The following TBXAS1 variants were observed in gnomAD, a reference collection of about 807,000 sequenced individuals.
TBXAS1 encodes the protein thromboxane-A synthase.
In TBXAS1, 48 loss-of-function variants were observed where a neutral mutation model predicts 60.7. The ratio of observed to expected loss-of-function variants is 0.79; its 90% CI spans 0.63 to 1.01. TBXAS1 has a LOEUF of 1.01. Ranked by LOEUF, TBXAS1 falls within the 50% of genes least tolerant of loss-of-function variation. The pLI is 0.00. For missense variants in TBXAS1, 685 were observed against 686.3 expected (o/e 1.00, Z 0.02); for synonymous variants, 287 against 269.7 (o/e 1.06, Z -0.63).
upstream of TBXAS1, among the ~76,000 whole-genome samples, chr7:139,828,355 T>C (rs967141915): frequency 1.3e-5 from 2 of 152,230 alleles, no homozygotes; most frequent in Non-Finnish European, 2.9e-5. Context: ...CTTTAAGCTA[T>C]TTCATTGAAT....
chr7:139,911,427 A>G, intron 4 of TBXAS1, 106 bp downstream of exon 4: 1 of 1,039,526 alleles, frequency 9.6e-7, no homozygotes. Flanking sequence ...GATCAGGTTT[A>G]TGTCAGTTCC....
At chr7:139,827,792 A>T (rs1798484017), upstream of TBXAS1, among the ~76,000 whole-genome samples, 1 of 152,142 alleles carries the variant, frequency 6.6e-6, no homozygotes, top group African/African-American at 2.4e-5. Context: ...TTTGTTGAGG[A>T]GCCGGAAGAC....
intron 4 of TBXAS1, among the ~76,000 whole-genome samples, chr7:139,791,883 A>G (rs1387194095): frequency 6.6e-6 from 1 of 150,754 alleles, no homozygotes; most frequent in African/African-American, 2.4e-5. Flanking sequence ...ATAATTTTAA[A>G]GTATGGGTGG....
intron 4 of TBXAS1, among the ~76,000 whole-genome samples, chr7:139,803,462 A>T (rs1020744040): frequency 6.6e-6 from 1 of 152,212 alleles, no homozygotes; most frequent in Non-Finnish European, 1.5e-5. Context: ...CAGCCTGATG[A>T]TGCAATAGAA....
chr7:139,786,988 C>T (rs766708250), intron 3 of TBXAS1, among the ~76,000 whole-genome samples: 22 of 152,184 alleles, frequency 1.4e-4, no homozygotes, highest in Non-Finnish European at 2.6e-4. Context: ...GGAGAGCTGT[C>T]TTTATGAAGA....
chr7:140,014,305 G>C (rs907050263), intron 10 of TBXAS1, among the ~76,000 whole-genome samples: 6 of 152,204 alleles, frequency 3.9e-5, no homozygotes, highest in African/African-American at 1.4e-4. Flanking sequence ...AGAAGGAGGA[G>C]AAGATTCTGA....
upstream of TBXAS1, chr7:139,829,085 A>G (rs1298107670): frequency 2.2e-6 from 1 of 457,356 alleles, no homozygotes; most frequent in Non-Finnish European, 4.1e-6. Context: ...TTTCTCAGCA[A>G]ACATGGGGAA....
intron 4 of TBXAS1, among the ~76,000 whole-genome samples, chr7:139,790,509 T>C (rs1055690954): frequency 6.6e-6 from 1 of 152,178 alleles, no homozygotes. Context: ...AAAACCTATA[T>C]CGTTTGAGTG....
At chr7:139,924,101 C>T (rs1312678202) in intron 4 of TBXAS1, among the ~76,000 whole-genome samples, 1 of 152,210 alleles carries the variant, frequency 6.6e-6, no homozygotes, top group Non-Finnish European at 1.5e-5. Flanking sequence ...CTGCAATAAA[C>T]ATGGGTGTGC....
intron 4 of TBXAS1, among the ~76,000 whole-genome samples, chr7:139,921,740 A>G (rs972234390): frequency 1.3e-5 from 2 of 152,238 alleles, no homozygotes; most frequent in Admixed American, 1.3e-4. Context: ...ATTCCAATGT[A>G]TAGAAACACC....
chr7:139,962,864 A>G lies in TBXAS1; in HGVS notation c.1134+631A>G, dbSNP rs182100968. ...TTTTCTTCTAGATGCTTGTGTGTGT[A>G]TAACTTTGACTCATGAGTTGTCAAA... On this transcript the variant is annotated intron_variant, in intron 9 of 12. Coordinates refer to ENST00000448866, the MANE Select transcript of TBXAS1 (RefSeq NM_001061.7). The G allele has an allele frequency of 4.5e-3, 688 of 154,520 alleles. 8 individuals are homozygous for G. Among genetic ancestry groups the G allele is most frequent in the Non-Finnish European group, 5.0e-3 (350 of 69,552 alleles). The allele number at this position is 154,520 out of a possible 1,614,324, so 9.6% of individuals were successfully genotyped here. A position where few individuals can be genotyped will look rare whatever the true frequency, so the allele number is the denominator to read the frequency against.
intron 4 of TBXAS1, among the ~76,000 whole-genome samples, chr7:139,929,362 A>T (rs558014056): frequency 6.6e-6 from 1 of 152,272 alleles, no homozygotes; most frequent in Admixed American, 6.5e-5. Flanking sequence ...CACAGGCTAA[A>T]CTAATTCCGA....
At chr7:139,883,207 C>A (rs1363800911) in intron 3 of TBXAS1, among the ~76,000 whole-genome samples, 1 of 151,972 alleles carries the variant, frequency 6.6e-6, no homozygotes, top group African/African-American at 2.4e-5. Context: ...TTGAGTCCCA[C>A]TTTTCTTGAA....
intron 5 of TBXAS1, among the ~76,000 whole-genome samples, chr7:139,937,365 G>C (rs1366033174): frequency 6.6e-6 from 1 of 152,206 alleles, no homozygotes; most frequent in Non-Finnish European, 1.5e-5. Flanking sequence ...TTAAGCTCAA[G>C]ATGCTCATCC....
At chr7:139,893,637 T>C (rs1414102501) in intron 3 of TBXAS1, among the ~76,000 whole-genome samples, 1 of 152,246 alleles carries the variant, frequency 6.6e-6, no homozygotes, top group East Asian at 1.9e-4. Flanking sequence ...CCCCATTGAA[T>C]TACATTTGCA....
At chr7:139,833,939 C>T (rs987797879) in intron 1 of TBXAS1, among the ~76,000 whole-genome samples, 1 of 152,142 alleles carries the variant, frequency 6.6e-6, no homozygotes. Flanking sequence ...TGGATTTAAA[C>T]TATACCTTGG....
chr7:139,816,273 A>G (rs1393860268), intron 4 of TBXAS1, among the ~76,000 whole-genome samples: 2 of 152,320 alleles, frequency 1.3e-5, no homozygotes, highest in Non-Finnish European at 2.9e-5. Flanking sequence ...TAGTATCTCT[A>G]GAGCCGTGTG....
chr7:139,945,452 G>A (rs1015657569), intron 5 of TBXAS1, among the ~76,000 whole-genome samples: 1 of 152,232 alleles, frequency 6.6e-6, no homozygotes, highest in Non-Finnish European at 1.5e-5. Flanking sequence ...TTCATGCTAA[G>A]AGACAGTGCC....
chr7:140,015,896 T>A (rs1569525417), intron 11 of TBXAS1, 36 bp downstream of exon 11: 3 of 1,612,326 alleles, frequency 1.9e-6, no homozygotes, highest in Non-Finnish European at 2.5e-6. Flanking sequence ...TCTGAAGGGA[T>A]GTGAGTGTGT....
Sources: allele counts gnomAD v4.1 joint callset (sites outside exome capture counted in the v4.1 genomes callset), GRCh38; gene constraint gnomAD v4.1.1; transcripts MANE v1.5; gene names NCBI Gene and HGNC (gene_info 2026-07-23, HGNC 2026-07-21).